CTNNA2: variants seen among roughly 807,000 people sequenced by gnomAD.
CTNNA2 encodes the protein catenin alpha 2.
In CTNNA2, 42 loss-of-function variants were observed where a neutral mutation model predicts 101.0. The observed-to-expected ratio is 0.42, with a 90% CI of 0.32 to 0.54. The LOEUF is 0.54. Among genes scored for constraint, CTNNA2 ranks in the 20% least tolerant of loss-of-function variants. The pLI is 0.14. For synonymous variants in CTNNA2, 450 were observed against 456.4 expected (o/e 0.99, Z 0.18); for missense variants, 871 against 1,223.1 (o/e 0.71, Z 4.29).
chr2:80,454,527 C>T (rs1204199694), intron 9 of CTNNA2, among the ~76,000 whole-genome samples: 1 of 152,194 alleles, frequency 6.6e-6, no homozygotes, highest in Non-Finnish European at 1.5e-5. Flanking sequence ...ATTCATGAAT[C>T]CCTTGTCCTT....
At chr2:79,422,234 CT>C (rs367819357) in intron 4 of CTNNA2, among the ~76,000 whole-genome samples, 24 of 147,558 alleles carry the variant, frequency 1.6e-4, no homozygotes, top group South Asian at 8.6e-4. Flanking sequence ...ATGGTAGAAT[CT>C]TTTTTTTTTT....
chr2:79,369,673 C>G (rs1677828464), intron 3 of CTNNA2, among the ~76,000 whole-genome samples: 1 of 152,188 alleles, frequency 6.6e-6, no homozygotes. Context: ...CTTCTACTTT[C>G]ATCAGATAAC....
intron 7 of CTNNA2, among the ~76,000 whole-genome samples, chr2:79,920,169 A>G (rs1686553604): frequency 6.6e-6 from 1 of 152,176 alleles, no homozygotes; most frequent in African/African-American, 2.4e-5. Flanking sequence ...GTGAGCTGAG[A>G]TTGTGTCACT....
At chr2:79,899,201 C>A (rs1684912945) in intron 6 of CTNNA2, among the ~76,000 whole-genome samples, 1 of 151,938 alleles carries the variant, frequency 6.6e-6, no homozygotes, top group African/African-American at 2.4e-5. Context: ...AGAATAAAAT[C>A]CATTTCCTTT....
chr2:79,819,911 T>G (rs142811082), intron 3 of CTNNA2, among the ~76,000 whole-genome samples: 2,108 of 152,042 alleles, frequency 0.014, 55 homozygotes, highest in African/African-American at 0.048. Flanking sequence ...TATATACAAC[T>G]ATTATATATT....
At chr2:79,422,238 T>A (rs1356717293) in intron 4 of CTNNA2, among the ~76,000 whole-genome samples, 1 of 152,168 alleles carries the variant, frequency 6.6e-6, no homozygotes, top group Non-Finnish European at 1.5e-5. Flanking sequence ...TAGAATCTTT[T>A]TTTTTTTCAA....
At chr2:79,920,636 A>G (rs546220071) in intron 7 of CTNNA2, among the ~76,000 whole-genome samples, 2 of 152,312 alleles carry the variant, frequency 1.3e-5, no homozygotes, top group South Asian at 2.1e-4. Flanking sequence ...TCTCTGCTCT[A>G]CTACCTGATA....
chr2:79,253,922 G>T (rs1263854155), intron 2 of CTNNA2, among the ~76,000 whole-genome samples: 4 of 152,178 alleles, frequency 2.6e-5, no homozygotes, highest in Non-Finnish European at 5.9e-5. Context: ...TACATGTATA[G>T]TTTGTGGCTC....
At chr2:79,563,356 C>T (rs994309276) in intron 1 of CTNNA2, among the ~76,000 whole-genome samples, 1 of 151,858 alleles carries the variant, frequency 6.6e-6, no homozygotes, top group Admixed American at 6.6e-5. Flanking sequence ...CCTTTGTCTC[C>T]TTAGGACAAA....
intron 1 of CTNNA2, among the ~76,000 whole-genome samples, chr2:79,535,062 A>G (rs1672972697): frequency 1.3e-5 from 2 of 152,194 alleles, no homozygotes; most frequent in South Asian, 4.1e-4. Context: ...TTACTTTAAA[A>G]GGCGGTGAAA....
chr2:79,993,948 G>A (rs563494158), intron 7 of CTNNA2, among the ~76,000 whole-genome samples: 14 of 152,238 alleles, frequency 9.2e-5, no homozygotes, highest in African/African-American at 3.4e-4. Flanking sequence ...CTGTCACCCA[G>A]GCTGGAATGC....
intron 7 of CTNNA2, among the ~76,000 whole-genome samples, chr2:80,100,426 C>G (rs1700471758): frequency 6.6e-6 from 1 of 152,160 alleles, no homozygotes; most frequent in African/African-American, 2.4e-5. Flanking sequence ...ATAATCTTGT[C>G]TGTCTCACTT....
intron 7 of CTNNA2, among the ~76,000 whole-genome samples, chr2:80,172,387 T>A (rs950574923): frequency 6.6e-6 from 1 of 152,308 alleles, no homozygotes; most frequent in Admixed American, 6.5e-5. Context: ...ATGGGGTTTG[T>A]TCCTTTAACC....
intron 3 of CTNNA2, among the ~76,000 whole-genome samples, chr2:79,366,136 G>A (rs1015402461): frequency 6.6e-6 from 1 of 152,194 alleles, no homozygotes; most frequent in Non-Finnish European, 1.5e-5. Context: ...TCATGAGTGT[G>A]TGTCACGTGC....
intron 17 of CTNNA2, chr2:80,612,816 G>A (rs1558644263): frequency 6.6e-6 from 1 of 151,226 alleles, no homozygotes; most frequent in African/African-American, 2.4e-5. Context: ...AAGTGTAACA[G>A]TAATGAAAAA....
intron 2 of CTNNA2, among the ~76,000 whole-genome samples, chr2:79,242,571 C>G (rs1221501162): frequency 6.6e-6 from 1 of 152,134 alleles, no homozygotes; most frequent in Non-Finnish European, 1.5e-5. Context: ...TCATTCTTCT[C>G]CACAACTACA....
chr2:79,785,170 T>C (rs1216952315), intron 3 of CTNNA2, among the ~76,000 whole-genome samples: 2 of 152,296 alleles, frequency 1.3e-5, no homozygotes, highest in East Asian at 1.9e-4. Flanking sequence ...AATATGTAAC[T>C]GGGTTTGTGC....
chr2:79,292,546 C>T (rs778429338), intron 2 of CTNNA2, among the ~76,000 whole-genome samples: 1 of 151,272 alleles, frequency 6.6e-6, no homozygotes, highest in East Asian at 1.9e-4. Context: ...TTTAGAATTT[C>T]CATTTAATTT....
At chr2:79,924,382 AC>A (rs1336466848) in intron 7 of CTNNA2, among the ~76,000 whole-genome samples, 1 of 151,898 alleles carries the variant, frequency 6.6e-6, no homozygotes, top group Non-Finnish European at 1.5e-5. Flanking sequence ...AGGCTAGTAC[AC>A]CTCTTTCTGA....
Sources: allele counts gnomAD v4.1 joint callset (sites outside exome capture counted in the v4.1 genomes callset), GRCh38; gene constraint gnomAD v4.1.1; transcripts MANE v1.5; gene names NCBI Gene and HGNC (gene_info 2026-07-23, HGNC 2026-07-21).